LRRC4C: variants seen among roughly 807,000 people sequenced by gnomAD.
The protein encoded by LRRC4C is leucine-rich repeat-containing protein 4C.
In LRRC4C, 5 loss-of-function variants were observed where a neutral mutation model predicts 33.6. That is an observed-to-expected ratio of 0.15 (90% CI 0.08 to 0.31). The LOEUF (loss-of-function observed/expected upper bound fraction) is 0.31, where lower values mean the gene tolerates loss of function less well. Among genes scored for constraint, LRRC4C ranks in the 10% least tolerant of loss-of-function variants. The pLI is 1.00. For missense variants in LRRC4C, 560 were observed against 796.7 expected, an observed-to-expected ratio of 0.70 and a Z score of 3.58; for synonymous variants, 329 against 302.0, an observed-to-expected ratio of 1.09 and a Z score of -0.93.
intron 1 of LRRC4C, among the ~76,000 whole-genome samples, chr11:41,394,269 G>A (rs755823302): frequency 6.6e-6 from 1 of 151,908 alleles, no homozygotes; most frequent in South Asian, 2.1e-4. Flanking sequence ...CCATTTCTAG[G>A]AGGGAAATCT....
chr11:40,694,204 A>T (rs1164324395), intron 2 of LRRC4C, among the ~76,000 whole-genome samples: 1 of 152,132 alleles, frequency 6.6e-6, no homozygotes, highest in African/African-American at 2.4e-5. Flanking sequence ...TAAAAACAAG[A>T]ATGTGGTAAA....
intron 1 of LRRC4C, among the ~76,000 whole-genome samples, chr11:41,433,260 C>G (rs985489989): frequency 8.5e-5 from 13 of 152,130 alleles, no homozygotes; most frequent in African/African-American, 2.2e-4. Flanking sequence ...AAAATAACCA[C>G]TACCAAAGCA....
chr11:40,760,995 C>T (rs986718430), intron 2 of LRRC4C, among the ~76,000 whole-genome samples: 1 of 151,096 alleles, frequency 6.6e-6, no homozygotes, highest in Non-Finnish European at 1.5e-5. Context: ...GTAATCTGCC[C>T]TTTGAGGAAG....
intron 1 of LRRC4C, among the ~76,000 whole-genome samples, chr11:41,038,304 C>A (rs1281867608): frequency 6.6e-6 from 1 of 152,170 alleles, no homozygotes; most frequent in Admixed American, 6.5e-5. Context: ...AGCTTTAATT[C>A]TGTTGAGGGG....
intron 1 of LRRC4C, among the ~76,000 whole-genome samples, chr11:41,108,324 C>T (rs1941633829): frequency 6.6e-6 from 1 of 151,990 alleles, no homozygotes; most frequent in Admixed American, 6.6e-5. Flanking sequence ...TTATATAATC[C>T]ATTCTCTCAT....
chr11:40,699,739 T>C (rs182634396), intron 2 of LRRC4C, among the ~76,000 whole-genome samples: 9 of 152,312 alleles, frequency 5.9e-5, no homozygotes, highest in South Asian at 2.1e-4. Context: ...CTAAGGAATA[T>C]TGATGGAGTT....
At chr11:40,481,990 T>C (rs528730491) in intron 3 of LRRC4C, among the ~76,000 whole-genome samples, 5 of 152,314 alleles carry the variant, frequency 3.3e-5, no homozygotes, top group Middle Eastern at 3.4e-3. Context: ...TTAAATATAT[T>C]TGTAAAAGAT....
intron 1 of LRRC4C, among the ~76,000 whole-genome samples, chr11:41,406,574 A>G (rs1416271900): frequency 6.6e-6 from 1 of 152,024 alleles, no homozygotes; most frequent in African/African-American, 2.4e-5. Context: ...CACAGTACAT[A>G]TGATCCACCT....
intron 4 of LRRC4C, among the ~76,000 whole-genome samples, chr11:40,286,323 A>C (rs1705934647): frequency 6.6e-6 from 1 of 152,186 alleles, no homozygotes. Flanking sequence ...ACCAGAAGTG[A>C]AACTGCAGAT....
chr11:41,369,455 G>A (rs1952663058), intron 1 of LRRC4C, among the ~76,000 whole-genome samples: 1 of 151,892 alleles, frequency 6.6e-6, no homozygotes, highest in African/African-American at 2.4e-5. Flanking sequence ...CTTCATACCT[G>A]GGTGATGAAA....
At chr11:40,744,732 C>T (rs534187611) in intron 2 of LRRC4C, among the ~76,000 whole-genome samples, 48 of 152,192 alleles carry the variant, frequency 3.2e-4, no homozygotes, top group Non-Finnish European at 6.0e-4. Flanking sequence ...AATAACTTTC[C>T]AAGGTTATAT....
At chr11:41,279,427 C>T (rs200004948) in intron 1 of LRRC4C, among the ~76,000 whole-genome samples, 1 of 142,122 alleles carries the variant, frequency 7.0e-6, no homozygotes, top group African/African-American at 2.6e-5. Flanking sequence ...CACACACACA[C>T]ACCGTGGCAA....
chr11:41,258,512 A>C (rs1243882772), intron 1 of LRRC4C, among the ~76,000 whole-genome samples: 3 of 151,998 alleles, frequency 2.0e-5, no homozygotes, highest in Non-Finnish European at 4.4e-5. Context: ...AAATATCTGG[A>C]TAGATCTTAA....
chr11:40,465,746 G>A (rs1952620358), intron 3 of LRRC4C, among the ~76,000 whole-genome samples: 2 of 151,938 alleles, frequency 1.3e-5, no homozygotes, highest in Non-Finnish European at 2.9e-5. Flanking sequence ...ACCAGAGTAA[G>A]ACACCATCAG....
intron 3 of LRRC4C, among the ~76,000 whole-genome samples, chr11:40,535,826 T>C (rs1956448452): frequency 6.6e-6 from 1 of 152,166 alleles, no homozygotes; most frequent in African/African-American, 2.4e-5. Context: ...GCTTGAAAAC[T>C]TTTGTACATT....
chr11:41,046,345 G>A (rs1235031284), intron 1 of LRRC4C, among the ~76,000 whole-genome samples: 3 of 152,012 alleles, frequency 2.0e-5, no homozygotes, highest in Admixed American at 6.6e-5. Context: ...AGTAAGTAGA[G>A]GGAAAATTTA....
chr11:41,154,191 T>G, intron 1 of LRRC4C, among the ~76,000 whole-genome samples: 1 of 152,160 alleles, frequency 6.6e-6, no homozygotes, highest in Non-Finnish European at 1.5e-5. Flanking sequence ...AAGCTAAACC[T>G]TACTTTGCCT....
intron 1 of LRRC4C, among the ~76,000 whole-genome samples, chr11:41,017,812 A>G (rs1460391534): frequency 6.6e-6 from 1 of 150,556 alleles, no homozygotes; most frequent in African/African-American, 2.4e-5. Flanking sequence ...TAATATATAA[A>G]ACATATGGCA....
Position 40,515,886 on chromosome 11 carries a change from A to T in LRRC4C, c.-270+132256T>A, listed in dbSNP as rs183374885. On this transcript the variant is annotated intron_variant, in intron 3 of 6. Coordinates refer to ENST00000528697, the MANE Select transcript of LRRC4C (RefSeq NM_001258419.2). ...ACTTTCATGATTAAGTATACTATTAAATTTATGTAGCTTTGTTCATGTGAT... is the reference window on the plus strand; with the variant it reads ...ACTTTCATGATTAAGTATACTATTATATTTATGTAGCTTTGTTCATGTGAT... 4.5e-3 allele frequency among the ~76,000 whole-genome samples: 681 copies of T among 152,140 alleles called. 22 individuals carry two copies. Among genetic ancestry groups the T allele is most frequent in the Admixed American group, 0.032 (483 of 15,280 alleles).
Sources: gnomAD v4.1 joint callset for allele counts (sites outside exome capture counted in the v4.1 genomes callset) on GRCh38, gnomAD v4.1.1 for gene constraint, MANE v1.5 for transcripts, NCBI Gene and HGNC (gene_info 2026-07-23, HGNC 2026-07-21) for gene names.